The following KLHL18 variants were observed in gnomAD, a reference collection of about 807,000 sequenced individuals.
KLHL18 encodes the protein kelch-like protein 18.
A neutral mutation model predicts 58.5 loss-of-function variants in KLHL18; 38 were observed. That is an observed-to-expected ratio of 0.65 (90% CI 0.50 to 0.85). KLHL18 has a LOEUF of 0.85. Among genes scored for constraint, KLHL18 ranks in the 40% least tolerant of loss-of-function variants. The probability of loss-of-function intolerance (pLI) is 0.00; values close to 1 mark genes in which losing one functional copy is unlikely to be tolerated. For missense variants in KLHL18, 624 were observed against 778.4 expected, an observed-to-expected ratio of 0.80 and a Z score of 2.36; for synonymous variants, 303 against 301.9, an observed-to-expected ratio of 1.00 and a Z score of -0.04.
At chr3:47,295,156 T>C (rs924383014) in intron 1 of KLHL18, among the ~76,000 whole-genome samples, 3 of 152,194 alleles carry the variant, frequency 2.0e-5, no homozygotes, top group Non-Finnish European at 4.4e-5. Context: ...AGGAAAGGAC[T>C]GCTGATTTAA....
intron 8 of KLHL18, among the ~76,000 whole-genome samples, chr3:47,342,091 T>A (rs1704122220): frequency 6.6e-6 from 1 of 150,512 alleles, no homozygotes; most frequent in South Asian, 2.1e-4. Context: ...GTCTCAAAAA[T>A]AAAAAAAAAT....
chr3:47,325,991 AGGCAG>A, intron 3 of KLHL18, among the ~76,000 whole-genome samples: 1 of 151,936 alleles, frequency 6.6e-6, no homozygotes, highest in East Asian at 1.9e-4. Flanking sequence ...TCTGTCGCCC[AGGCAG>A]GAATGCAGTG....
chr3:47,320,012 T>G (rs1703548000), intron 2 of KLHL18, among the ~76,000 whole-genome samples: 1 of 152,118 alleles, frequency 6.6e-6, no homozygotes, highest in Non-Finnish European at 1.5e-5. Context: ...GAGAAATACA[T>G]TTAATAGGAC....
At chr3:47,314,162 A>G (rs1278997826) in intron 1 of KLHL18, among the ~76,000 whole-genome samples, 3 of 151,952 alleles carry the variant, frequency 2.0e-5, no homozygotes, top group Non-Finnish European at 2.9e-5. Flanking sequence ...ATGCACCACC[A>G]TGCCTGGCTA....
intron 1 of KLHL18, among the ~76,000 whole-genome samples, chr3:47,292,428 C>T (rs560022122): frequency 3.7e-4 from 56 of 151,158 alleles, no homozygotes; most frequent in African/African-American, 1.0e-3. Flanking sequence ...GAGCCGAGAT[C>T]GTGCCATTGC....
intron 1 of KLHL18, among the ~76,000 whole-genome samples, chr3:47,302,081 G>A (rs377193766): frequency 7.9e-5 from 12 of 152,286 alleles, no homozygotes; most frequent in African/African-American, 2.6e-4. Flanking sequence ...GATTACAGGC[G>A]TGAACCTTTG....
Position 47,334,572 on chromosome 3 carries a change from C to A in KLHL18, c.762-111C>A. The A allele has an allele frequency of 7.8e-7, 1 of 1,280,630 alleles. No homozygotes were observed. The highest frequency in any genetic ancestry group is 1.1e-6 in the Non-Finnish European group (1 of 905,394). 79.3% of individuals were successfully genotyped at this position (1,280,630 alleles called of 1,614,324 possible). A position where few individuals can be genotyped will look rare whatever the true frequency, so the allele number is the denominator to read the frequency against. ...TGAGACCAGACCTTCCAGAAGGCTTCTCCTCCCAGGTTTCCCCTGCAGTTG... is the reference window on the plus strand; with the variant it reads ...TGAGACCAGACCTTCCAGAAGGCTTATCCTCCCAGGTTTCCCCTGCAGTTG... On this transcript the variant is annotated intron_variant, in intron 5 of 9. Transcript: ENST00000232766. This position sits in a 1 kb window ranked among gnomAD's most constrained non-coding sequence, Gnocchi z 4.7.
chr3:47,296,443 C>A (rs1053410596), intron 1 of KLHL18, among the ~76,000 whole-genome samples: 6 of 152,156 alleles, frequency 3.9e-5, no homozygotes, highest in Non-Finnish European at 7.3e-5. Context: ...GCATGAGACA[C>A]CCTGCTGTGA....
intron 1 of KLHL18, among the ~76,000 whole-genome samples, chr3:47,285,257 G>A (rs1390585285): frequency 6.6e-6 from 1 of 152,220 alleles, no homozygotes; most frequent in East Asian, 1.9e-4. Flanking sequence ...AGGAAGCAGA[G>A]GAAGTAAAAG....
At chr3:47,321,323 GTTTTT>G (rs796261691) in intron 2 of KLHL18, among the ~76,000 whole-genome samples, 1 of 141,662 alleles carries the variant, frequency 7.1e-6, no homozygotes, top group African/African-American at 2.6e-5. Flanking sequence ...GGCACCTGCC[GTTTTT>G]TTTTTTTGTT....
At chr3:47,312,755 C>T (rs1046145817) in intron 1 of KLHL18, among the ~76,000 whole-genome samples, 18 of 152,258 alleles carry the variant, frequency 1.2e-4, no homozygotes, top group South Asian at 4.1e-4. Context: ...ATGTTGCCCA[C>T]GCTGGCCTCA....
At chr3:47,327,615 C>T (rs994514143) in intron 3 of KLHL18, among the ~76,000 whole-genome samples, 2 of 152,248 alleles carry the variant, frequency 1.3e-5, no homozygotes, top group Non-Finnish European at 2.9e-5. Context: ...ACATTCTGAC[C>T]TTCAGCGCTG....
At chr3:47,317,850 C>T (rs1014504294) in intron 1 of KLHL18, among the ~76,000 whole-genome samples, 1 of 152,110 alleles carries the variant, frequency 6.6e-6, no homozygotes, top group Non-Finnish European at 1.5e-5. Flanking sequence ...TAATAGTTAT[C>T]TTTTGCCGCA....
rs905128646 is a variant in KLHL18 at position 47,344,317 on chromosome 3, G to A, written c.*376G>A. The A allele has an allele frequency of 1.4e-5, 4 of 283,618 alleles. No individual in the cohort carries two copies. The highest frequency in any genetic ancestry group is 2.7e-5 in the Non-Finnish European group (4 of 148,744). 17.6% of individuals were successfully genotyped at this position (283,618 alleles called of 1,614,324 possible). On this transcript the variant is annotated 3_prime_UTR_variant, in exon 10 of 10. Transcript: ENST00000232766. ...CCCATCGCCTGCTTGCTCTCCAGCCGAGTCTGGCCAATTTGCCATGGGGAG... is the reference window on the plus strand; with the variant it reads ...CCCATCGCCTGCTTGCTCTCCAGCCAAGTCTGGCCAATTTGCCATGGGGAG...
intron 1 of KLHL18, among the ~76,000 whole-genome samples, chr3:47,296,020 C>T (rs1397166691): frequency 3.3e-5 from 5 of 152,176 alleles, no homozygotes; most frequent in African/African-American, 1.2e-4. Flanking sequence ...TCCACTGCAC[C>T]TTAACCCCTC....
intron 1 of KLHL18, among the ~76,000 whole-genome samples, chr3:47,313,055 G>A (rs560620738): frequency 7.3e-5 from 11 of 151,638 alleles, no homozygotes; most frequent in African/African-American, 2.7e-4. Flanking sequence ...GACTACAGGC[G>A]CCTGCCACCA....
intron 7 of KLHL18, among the ~76,000 whole-genome samples, chr3:47,339,581 A>G (rs1298233875): frequency 6.6e-6 from 1 of 152,186 alleles, no homozygotes; most frequent in African/African-American, 2.4e-5. Flanking sequence ...ATCAGCCACT[A>G]TGATAAATTA....
rs1704232796 is a variant in KLHL18, at chr3:47,346,743, AGTTCCTTTTATTTATAGAATGCAT to A, written c.*2805_*2828del. On this transcript the variant is annotated 3_prime_UTR_variant, in exon 10 of 10. Transcript: ENST00000232766. ...AATTTATGGTTTCCCAGAAAATCTTAGTTCCTTTTATTTATAGAATGCATGTCTTTTGTGTTAAGAAACCAAAGA... is the reference window on the plus strand; with the variant it reads ...AATTTATGGTTTCCCAGAAAATCTTAGTCTTTTGTGTTAAGAAACCAAAGA... 6.5e-6 allele frequency: 1 copy of A among 152,676 alleles called. No individual in the cohort carries two copies. Among genetic ancestry groups the A allele is most frequent in the Non-Finnish European group, 1.5e-5 (1 of 68,050 alleles). 9.5% of individuals were successfully genotyped at this position (152,676 alleles called of 1,614,324 possible).
intron 1 of KLHL18, among the ~76,000 whole-genome samples, chr3:47,317,360 C>T (rs1028031073): frequency 6.6e-6 from 1 of 152,048 alleles, no homozygotes; most frequent in Admixed American, 6.6e-5. Context: ...GTGATCCACC[C>T]GCCTCAGGCT....
Sources: gnomAD v4.1 joint callset for allele counts (sites outside exome capture counted in the v4.1 genomes callset) on GRCh38, gnomAD v4.1.1 for gene constraint, Gnocchi (gnomAD v3.1) non-coding constraint, MANE v1.5 for transcripts, NCBI Gene and HGNC (gene_info 2026-07-23, HGNC 2026-07-21) for gene names.